The following ZDHHC4 variants were observed in gnomAD, a reference collection of about 807,000 sequenced individuals.
ZDHHC4 encodes the protein zDHHC palmitoyltransferase 4, also known as palmitoyltransferase ZDHHC4.
A neutral mutation model predicts 36.7 loss-of-function variants in ZDHHC4; 42 were observed. That is an observed-to-expected ratio of 1.14 (90% CI 0.89 to 1.48). The LOEUF is 1.48. Ranked by LOEUF, ZDHHC4 falls within the 40% of genes most tolerant of loss-of-function variation. The probability of loss-of-function intolerance (pLI) is 0.00; values close to 1 mark genes in which losing one functional copy is unlikely to be tolerated. For synonymous variants in ZDHHC4, 189 were observed against 166.6 expected, an observed-to-expected ratio of 1.13 and a Z score of -1.03; for missense variants, 457 against 421.5, an observed-to-expected ratio of 1.08 and a Z score of -0.74.
At chr7:6,585,750 G>A (rs1781198226) in intron 7 of ZDHHC4, among the ~76,000 whole-genome samples, 1 of 152,194 alleles carries the variant, frequency 6.6e-6, no homozygotes. Context: ...AGGTTGCAGT[G>A]AGCTGAGATT....
In ZDHHC4 at chr7:6,581,786, G is replaced by A. The variant is rs1780871076; in HGVS notation, c.191+106G>A. On this transcript the variant is annotated intron_variant, in intron 4 of 7. Transcript: ENST00000335965. ...CTCCTTGTGGTTTCCAGCATGGTGA[G>A]GGAAAGAAGGCCGGAAAGAATCACG... 4 of 959,626 alleles carry A rather than the reference G, an allele frequency of 4.2e-6. No homozygotes were observed. In the South Asian group the frequency reaches 6.4e-5, roughly 15 times the overall value. The allele number at this position is 959,626 out of a possible 1,614,324, so 59.4% of individuals were successfully genotyped here. A position where few individuals can be genotyped will look rare whatever the true frequency, so the allele number is the denominator to read the frequency against.
At chr7:6,585,947 T>TC (rs1408031896) in intron 7 of ZDHHC4, among the ~76,000 whole-genome samples, 1 of 151,924 alleles carries the variant, frequency 6.6e-6, no homozygotes, top group East Asian at 1.9e-4. Flanking sequence ...GGTCAGGAGT[T>TC]CAAGACCAGC....
intron 2 of ZDHHC4, 26 bp from the exon 3 acceptor site, chr7:6,580,529 G>A (rs1780768051): frequency 2.5e-6 from 4 of 1,591,620 alleles, no homozygotes; most frequent in Non-Finnish European, 3.4e-6. Flanking sequence ...GTAGCAGATA[G>A]TCACACTCTT....
chr7:6,580,512 C>T (rs1780766110), intron 2 of ZDHHC4, 43 bp from the exon 3 acceptor site: 7 of 1,535,786 alleles, frequency 4.6e-6, no homozygotes, highest in Non-Finnish European at 6.3e-6. Context: ...ATGGAAGAAA[C>T]CTTTCAGTAG....
intron 3 of ZDHHC4, chr7:6,581,209 G>T (rs1780829455): frequency 3.9e-6 from 1 of 256,338 alleles, no homozygotes; most frequent in South Asian, 4.4e-5. Flanking sequence ...AGCAAAACGG[G>T]GCAAGCAGCC....
chr7:6,582,715 G>A (rs1373844491), intron 5 of ZDHHC4, among the ~76,000 whole-genome samples: 6 of 151,858 alleles, frequency 4.0e-5, no homozygotes, highest in Non-Finnish European at 1.5e-5. Flanking sequence ...ATGGGGTTTC[G>A]CCATGTTGTC....
At position 6,580,548 on chromosome 7, in the gene ZDHHC4, T is replaced by G; in HGVS notation, c.-7-7T>G. 9 of 1,611,330 alleles carry G rather than the reference T, an allele frequency of 5.6e-6. No individual in the cohort carries two copies. Among genetic ancestry groups the G allele is most frequent in the Non-Finnish European group, 6.8e-6 (8 of 1,177,386 alleles). On this transcript the variant is annotated splice_region_variant and splice_polypyrimidine_tract_variant and intron_variant, in intron 2 of 7. Transcript: ENST00000335965. ...CAGATAGTCACACTCTTTCTGTTCC[T>G]TTGTAGCTGCAGGATGGACTTTCTG...
rs1780613608 is a variant in ZDHHC4, at chr7:6,578,635, A to G, written c.-93A>G. ...CATGCCAGGCACACACTGCTGCCCA[A>G]GAGGAGCTGCTGTTTGAATTATCTG... is the stretch of plus-strand genomic sequence containing the variant. On this transcript the variant is annotated 5_prime_UTR_variant, in exon 2 of 8. Coordinates refer to ENST00000335965, the MANE Select transcript of ZDHHC4 (RefSeq NM_001134389.2). The G allele has an allele frequency of 6.6e-6, 1 of 152,230 alleles. No individual in the cohort carries two copies. Among genetic ancestry groups the G allele is most frequent in the African/African-American group, 2.4e-5 (1 of 41,462 alleles). The allele number at this position is 152,230 out of a possible 1,614,324, so 9.4% of individuals were successfully genotyped here. A position where few individuals can be genotyped will look rare whatever the true frequency, so the allele number is the denominator to read the frequency against.
intron 2 of ZDHHC4, 59 bp from the exon 3 acceptor site, chr7:6,580,496 T>C: frequency 7.2e-7 from 1 of 1,386,390 alleles, no homozygotes. Flanking sequence ...TCTGAGAATG[T>C]GTGCCATGGA....
chr7:6,581,874 G>A (rs1780876618), intron 4 of ZDHHC4, among the ~76,000 whole-genome samples, 194 bp downstream of exon 4: 1 of 152,174 alleles, frequency 6.6e-6, no homozygotes, highest in South Asian at 2.1e-4. Context: ...GTTTTAACTT[G>A]CCTACTTTTA....
chr7:6,579,064 T>A (rs1385146160), intron 2 of ZDHHC4, among the ~76,000 whole-genome samples: 5 of 151,912 alleles, frequency 3.3e-5, no homozygotes, highest in Non-Finnish European at 7.4e-5. Context: ...GTTCAAGTGA[T>A]CCTCCCACCT....
In ZDHHC4 at chr7:6,588,889, T is replaced by C. The variant is rs761508567; in HGVS notation, c.1014T>C (p.His338=). The change falls in exon 8 of 8, where the codon CAT becomes CAC. Residue 338 remains histidine, a synonymous_variant. Coordinates refer to ENST00000335965, the MANE Select transcript of ZDHHC4 (RefSeq NM_001134389.2). ...QEIFLPAFPC[H]ERKKQE ...TCTTTCTACCTGCCTTTCCATGTCA[T>C]GAGAGGAAGAAACAAGAATGACAAG... is the stretch of plus-strand genomic sequence containing the variant. 1.1e-4 allele frequency: 177 copies of C among 1,607,134 alleles called. No homozygotes were observed. Among genetic ancestry groups the C allele is most frequent in the Admixed American group, 3.5e-4 (21 of 59,866 alleles).
At chr7:6,587,310 TGGGTTTTTTG>T (rs1010872551) in intron 7 of ZDHHC4, among the ~76,000 whole-genome samples, 9 of 152,166 alleles carry the variant, frequency 5.9e-5, no homozygotes, top group South Asian at 2.1e-4. Flanking sequence ...AATGGGGTTT[TGGGTTTTTTG>T]GGGTTTTTTG....
chr7:6,589,371 C>T lies in ZDHHC4; in HGVS notation c.*461C>T, dbSNP rs1434690976. The T allele has an allele frequency of 1.7e-5, 3 of 172,726 alleles. No individual in the cohort carries two copies. The highest frequency in any genetic ancestry group is 2.9e-3 in the Middle Eastern group (1 of 350). The allele number at this position is 172,726 out of a possible 1,614,324, so 10.7% of individuals were successfully genotyped here. Reference sequence around the variant, plus strand: ...AGTGTCCTCACCCAGGCCTGCCTTCCGGCCAGTATGGGCTTGTACATCAGG... The same window carrying T: ...AGTGTCCTCACCCAGGCCTGCCTTCTGGCCAGTATGGGCTTGTACATCAGG... On this transcript the variant is annotated 3_prime_UTR_variant, in exon 8 of 8. Coordinates refer to ENST00000335965, the MANE Select transcript of ZDHHC4 (RefSeq NM_001134389.2).
At position 6,587,827 on chromosome 7, in the gene ZDHHC4, C is replaced by T. The variant is rs538145270; in HGVS notation, c.742-790C>T. Among the ~76,000 whole-genome samples, 23 of 152,280 alleles carry T rather than the reference C, an allele frequency of 1.5e-4. No homozygotes were observed. The South Asian group carries it at 3.9e-3, about 26-fold the overall frequency. On this transcript the variant is annotated intron_variant, in intron 7 of 7. Coordinates refer to ENST00000335965, the MANE Select transcript of ZDHHC4 (RefSeq NM_001134389.2). ...TCAAGGCCAGGAGTTTGAAAGCAGCCTGGGCAACATAGCAAGACCCTGTTT... is the reference window on the plus strand; with the variant it reads ...TCAAGGCCAGGAGTTTGAAAGCAGCTTGGGCAACATAGCAAGACCCTGTTT...
rs1484496497 is a variant in ZDHHC4, at chr7:6,578,646, T to C, written c.-82T>C. 4 of 152,206 alleles carry C rather than the reference T, an allele frequency of 2.6e-5. No homozygotes were observed. Among genetic ancestry groups the C allele is most frequent in the Non-Finnish European group, 5.9e-5 (4 of 68,036 alleles). 9.4% of individuals were successfully genotyped at this position (152,206 alleles called of 1,614,324 possible). A position where few individuals can be genotyped will look rare whatever the true frequency, so the allele number is the denominator to read the frequency against. On this transcript the variant is annotated 5_prime_UTR_variant, in exon 2 of 8. Coordinates refer to ENST00000335965, the MANE Select transcript of ZDHHC4 (RefSeq NM_001134389.2). ...CACACTGCTGCCCAAGAGGAGCTGC[T>C]GTTTGAATTATCTGTGAATGTTGGG...
At chr7:6,577,974 C>T (rs1780555724) in intron 1 of ZDHHC4, among the ~76,000 whole-genome samples, 1 of 152,180 alleles carries the variant, frequency 6.6e-6, no homozygotes, top group South Asian at 2.1e-4. Flanking sequence ...GGATTACAGG[C>T]ATGCGCCATC....
intron 6 of ZDHHC4, 180 bp from the exon 7 acceptor site, chr7:6,584,836 A>T: frequency 1.2e-6 from 1 of 820,008 alleles, no homozygotes; most frequent in South Asian, 1.8e-5. Context: ...CAATACCCAC[A>T]TTTGGCTGGT....
intron 6 of ZDHHC4, 62 bp from the exon 7 acceptor site, chr7:6,584,954 G>T (rs955433808): frequency 6.3e-7 from 1 of 1,596,236 alleles, no homozygotes; most frequent in Non-Finnish European, 8.6e-7. Flanking sequence ...ATCTCAGCAG[G>T]TGTGCGGTGT....
Sources: gnomAD v4.1 joint callset for allele counts (sites outside exome capture counted in the v4.1 genomes callset) on GRCh38, gnomAD v4.1.1 for gene constraint, MANE v1.5 for transcripts, NCBI Gene and HGNC (gene_info 2026-07-23, HGNC 2026-07-21) for gene names.